The following ITGA8 variants were observed in gnomAD, a reference collection of about 807,000 sequenced individuals.
ITGA8 encodes the protein integrin alpha-8.
A neutral mutation model predicts 142.3 loss-of-function variants in ITGA8; 91 were observed. The ratio of observed to expected loss-of-function variants is 0.64; its 90% CI spans 0.54 to 0.76. ITGA8 has a LOEUF of 0.76. Ranked by LOEUF, ITGA8 falls within the 30% of genes least tolerant of loss-of-function variation. The pLI is 0.00. For synonymous variants in ITGA8, 505 were observed against 485.2 expected (o/e 1.04, Z -0.54); for missense variants, 1,406 against 1,327.7 (o/e 1.06, Z -0.92).
chr10:15,648,163 T>G (rs1239909493), intron 11 of ITGA8, among the ~76,000 whole-genome samples: 1 of 152,136 alleles, frequency 6.6e-6, no homozygotes, highest in Non-Finnish European at 1.5e-5. Context: ...TAATTTCTGT[T>G]TTAAAATTTT....
chr10:15,696,998 G>A (rs573734135), intron 2 of ITGA8, among the ~76,000 whole-genome samples: 165 of 151,320 alleles, frequency 1.1e-3, no homozygotes, highest in African/African-American at 3.9e-3. Flanking sequence ...GACAGAGTAA[G>A]AGTATTCTGT....
At chr10:15,668,500 G>A (rs976542886) in intron 8 of ITGA8, among the ~76,000 whole-genome samples, 2 of 150,964 alleles carry the variant, frequency 1.3e-5, no homozygotes, top group African/African-American at 4.9e-5. Context: ...CTTTTAATTG[G>A]AGCATTTAGC....
intron 11 of ITGA8, among the ~76,000 whole-genome samples, chr10:15,647,803 T>C (rs1206642670): frequency 6.6e-6 from 1 of 152,238 alleles, no homozygotes; most frequent in African/African-American, 2.4e-5. Context: ...AAATCAATTT[T>C]GTCCTTCCCT....
At chr10:15,669,874 G>T (rs1405885570) in intron 8 of ITGA8, among the ~76,000 whole-genome samples, 5 of 152,304 alleles carry the variant, frequency 3.3e-5, no homozygotes, top group Non-Finnish European at 7.4e-5. Flanking sequence ...TCCTCTGGAA[G>T]TTTTGTCTCA....
At chr10:15,676,577 C>A (rs904934514) in intron 6 of ITGA8, among the ~76,000 whole-genome samples, 44 of 152,298 alleles carry the variant, frequency 2.9e-4, no homozygotes, top group African/African-American at 9.4e-4. Flanking sequence ...ATACTAACCT[C>A]CATGACAGTA....
At chr10:15,671,887 A>AT (rs1334020866) in intron 7 of ITGA8, among the ~76,000 whole-genome samples, 6 of 151,818 alleles carry the variant, frequency 4.0e-5, no homozygotes, top group Non-Finnish European at 8.8e-5. Flanking sequence ...AGCAAAAAAA[A>AT]AAAAAAAAAA....
At chr10:15,630,464 C>T (rs753111805) in intron 13 of ITGA8, among the ~76,000 whole-genome samples, 5 of 152,092 alleles carry the variant, frequency 3.3e-5, no homozygotes, top group East Asian at 3.9e-4. Context: ...AATACAGTGT[C>T]CAGTTTAGTG....
At chr10:15,680,695 G>T (rs1019149293) in intron 4 of ITGA8, among the ~76,000 whole-genome samples, 2 of 151,298 alleles carry the variant, frequency 1.3e-5, no homozygotes, top group South Asian at 2.1e-4. Flanking sequence ...TAAATTATTC[G>T]AAAGGGAAGA....
intron 23 of ITGA8, 144 bp downstream of exon 23, chr10:15,586,440 G>C (rs1832834317): frequency 1.8e-6 from 1 of 549,760 alleles, no homozygotes; most frequent in Admixed American, 3.2e-5. Flanking sequence ...GGCTAATAAC[G>C]ATCAGTAGAA....
chr10:15,692,128 T>C (rs992966825), intron 2 of ITGA8, among the ~76,000 whole-genome samples: 1 of 152,150 alleles, frequency 6.6e-6, no homozygotes, highest in Non-Finnish European at 1.5e-5. Context: ...AGGCAAGGTT[T>C]TGCTATGTTG....
chr10:15,638,227 T>C (rs1833807502), intron 13 of ITGA8, among the ~76,000 whole-genome samples: 2 of 152,338 alleles, frequency 1.3e-5, no homozygotes, highest in South Asian at 2.1e-4. Flanking sequence ...TGTCTGTGTT[T>C]TCGGTTATTT....
At chr10:15,718,671 C>T (rs2298031) in intron 2 of ITGA8, 95 bp downstream of exon 2, 7 of 1,482,762 alleles carry the variant, frequency 4.7e-6, no homozygotes, top group East Asian at 2.3e-5. Context: ...ACAAGCTAAA[C>T]GAGCAGCACA....
chr10:15,678,703 C>A lies in ITGA8; in HGVS notation c.630+19G>T. 6.3e-7 allele frequency: 1 copy of A among 1,582,384 alleles called. No homozygotes were observed. Among genetic ancestry groups the A allele is most frequent in the Non-Finnish European group, 8.7e-7 (1 of 1,152,450 alleles). On this transcript the variant is annotated intron_variant, in intron 5 of 29. Coordinates refer to ENST00000378076, the MANE Select transcript of ITGA8 (RefSeq NM_003638.3). Reference sequence around the variant, plus strand: ...AAATCAGATTAAATATTAGGAACTGCGAGACCAAAATAATTCACCTTATAA... The same window carrying A: ...AAATCAGATTAAATATTAGGAACTGAGAGACCAAAATAATTCACCTTATAA...
chr10:15,657,999 T>C (rs1383077822), intron 10 of ITGA8, among the ~76,000 whole-genome samples: 1 of 152,108 alleles, frequency 6.6e-6, no homozygotes, highest in African/African-American at 2.4e-5. Context: ...TAATGGCACA[T>C]GGGAATTTAG....
chr10:15,628,171 C>T (rs893855248), intron 13 of ITGA8, among the ~76,000 whole-genome samples: 1 of 151,828 alleles, frequency 6.6e-6, no homozygotes, highest in South Asian at 2.1e-4. Flanking sequence ...AATAATCCAC[C>T]CCTTGTTTAG....
intron 21 of ITGA8, among the ~76,000 whole-genome samples, chr10:15,592,715 C>T (rs1832947403): frequency 6.6e-6 from 1 of 152,206 alleles, no homozygotes; most frequent in Non-Finnish European, 1.5e-5. Context: ...AGTGATCCTC[C>T]TTCCTTAGCC....
At chr10:15,536,898 C>A (rs909275219) in intron 27 of ITGA8, among the ~76,000 whole-genome samples, 3 of 152,196 alleles carry the variant, frequency 2.0e-5, no homozygotes, top group African/African-American at 7.2e-5. Flanking sequence ...TCCCAACTTC[C>A]AGCTGCTTAA....
intron 3 of ITGA8, among the ~76,000 whole-genome samples, chr10:15,685,946 G>A (rs1007445424): frequency 6.6e-6 from 1 of 152,174 alleles, no homozygotes; most frequent in Admixed American, 6.5e-5. Flanking sequence ...AATGAGAGAG[G>A]AAATAAATGC....
chr10:15,574,716 T>A (rs200671494), intron 24 of ITGA8, among the ~76,000 whole-genome samples: 11,613 of 150,978 alleles, frequency 0.077, 799 homozygotes, highest in East Asian at 0.28. Context: ...TATATATATT[T>A]TTTTTTTAGC....
Sources: allele counts gnomAD v4.1 joint callset (sites outside exome capture counted in the v4.1 genomes callset), GRCh38; gene constraint gnomAD v4.1.1; transcripts MANE v1.5; gene names NCBI Gene and HGNC (gene_info 2026-07-23, HGNC 2026-07-21).